The following NAALADL2 variants were observed in gnomAD, a reference collection of about 807,000 sequenced individuals.
The protein encoded by NAALADL2 is inactive N-acetylated-alpha-linked acidic dipeptidase-like protein 2.
NAALADL2 carries 76 observed loss-of-function variants against 87.2 expected under a neutral mutation model. The observed-to-expected ratio is 0.87, with a 90% confidence interval of 0.72 to 1.05. NAALADL2 has a LOEUF of 1.05. NAALADL2 is among the 50% of genes least tolerant of loss of function. The probability of loss-of-function intolerance (pLI) is 0.00; values close to 1 mark genes in which losing one functional copy is unlikely to be tolerated. For synonymous variants in NAALADL2, 354 were observed against 331.0 expected (o/e 1.07, Z -0.75); for missense variants, 1,089 against 945.8 (o/e 1.15, Z -1.99).
At chr3:175,153,896 C>T (rs986493984) in intron 2 of NAALADL2, among the ~76,000 whole-genome samples, 4 of 152,092 alleles carry the variant, frequency 2.6e-5, no homozygotes, top group African/African-American at 4.8e-5. Context: ...TTTCAGAGGT[C>T]GTTCACTGAA....
intron 2 of NAALADL2, among the ~76,000 whole-genome samples, chr3:174,599,205 T>C (rs1272368869): frequency 6.6e-6 from 1 of 152,152 alleles, no homozygotes; most frequent in East Asian, 1.9e-4. Context: ...TGTGGATTGC[T>C]CGACTGAGTG....
At chr3:175,618,817 A>G (rs997781710) in intron 10 of NAALADL2, among the ~76,000 whole-genome samples, 1 of 152,064 alleles carries the variant, frequency 6.6e-6, no homozygotes, top group Non-Finnish European at 1.5e-5. Context: ...AGTCACACTT[A>G]CCTACACCGT....
intron 10 of NAALADL2, among the ~76,000 whole-genome samples, chr3:175,621,871 C>G (rs1352896404): frequency 6.6e-6 from 1 of 152,110 alleles, no homozygotes; most frequent in Non-Finnish European, 1.5e-5. Flanking sequence ...CAAAGGATAA[C>G]TGTACCTAAG....
At position 175,241,855 on chromosome 3, in the gene NAALADL2, A is replaced by ATTTTTTTTTTTTTTTTTTT. The variant is rs779567135; in HGVS notation, c.819+7655_819+7673dup. ...TAGTGAGAAAGTATCTGGATGCTGA[A>ATTTTTTTTTTTTTTTTTTT]TTTTTTTTTTTTTTTTTTTTTTCTT... On this transcript the variant is annotated intron_variant, in intron 3 of 13. Coordinates refer to ENST00000454872, the MANE Select transcript of NAALADL2 (RefSeq NM_207015.3). 6.0e-5 allele frequency among the ~76,000 whole-genome samples: 5 copies of ATTTTTTTTTTTTTTTTTTT among 83,812 alleles called. 1 individual carries two copies. Among genetic ancestry groups the ATTTTTTTTTTTTTTTTTTT allele is most frequent in the African/African-American group, 1.9e-4 (4 of 21,540 alleles). The allele number at this position is 83,812 out of a possible 152,430, so 55.0% of individuals were successfully genotyped here.
At chr3:175,619,164 A>G (rs538575494) in intron 10 of NAALADL2, among the ~76,000 whole-genome samples, 27 of 152,168 alleles carry the variant, frequency 1.8e-4, no homozygotes, top group South Asian at 6.2e-4. Flanking sequence ...TATCACAAGC[A>G]GTATGCTAAA....
chr3:175,489,379 T>C (rs1727740453), intron 9 of NAALADL2, among the ~76,000 whole-genome samples: 1 of 152,194 alleles, frequency 6.6e-6, no homozygotes, highest in Non-Finnish European at 1.5e-5. Context: ...TAGCCATGTA[T>C]AGAATGAAGC....
chr3:174,905,096 A>C (rs1732812948), intron 1 of NAALADL2, among the ~76,000 whole-genome samples: 1 of 151,900 alleles, frequency 6.6e-6, no homozygotes, highest in Admixed American at 6.6e-5. Context: ...TATATTTAAA[A>C]ATATAAATCG....
intron 1 of NAALADL2, among the ~76,000 whole-genome samples, chr3:174,890,417 ATAG>A (rs959010815): frequency 6.6e-6 from 1 of 152,200 alleles, no homozygotes; most frequent in African/African-American, 2.4e-5. Context: ...CATGTAAATA[ATAG>A]TAGCATAAAA....
At chr3:175,018,135 C>T (rs577584572) in intron 1 of NAALADL2, among the ~76,000 whole-genome samples, 1 of 152,054 alleles carries the variant, frequency 6.6e-6, no homozygotes, top group South Asian at 2.1e-4. Context: ...CTTTTAGTAG[C>T]AATATTTCCA....
chr3:175,449,515 T>C (rs1322134205), intron 6 of NAALADL2, among the ~76,000 whole-genome samples: 6 of 149,382 alleles, frequency 4.0e-5, no homozygotes, highest in Admixed American at 2.0e-4. Context: ...CGCCTCAGCC[T>C]CCCAAGTAGC....
chr3:174,617,988 C>A (rs1354783331), intron 2 of NAALADL2, among the ~76,000 whole-genome samples: 1 of 151,650 alleles, frequency 6.6e-6, no homozygotes, highest in Non-Finnish European at 1.5e-5. Context: ...AAGAAGAGGA[C>A]AGCATCTTAA....
intron 2 of NAALADL2, among the ~76,000 whole-genome samples, chr3:174,584,734 G>A (rs1317196634): frequency 6.6e-6 from 1 of 151,968 alleles, no homozygotes; most frequent in East Asian, 1.9e-4. Flanking sequence ...AGTTTTGCTG[G>A]TCCTTTGTGA....
chr3:175,293,615 G>A (rs78554542), intron 4 of NAALADL2, among the ~76,000 whole-genome samples: 19,642 of 152,052 alleles, frequency 0.13, 1,534 homozygotes, highest in African/African-American at 0.21. Flanking sequence ...GAGTCAGTTA[G>A]AGGGTTAAGT....
Position 174,486,574 on chromosome 3 carries a change from G to A in NAALADL2, c.-184+45542G>A, listed in dbSNP as rs534578895. On this transcript the variant is annotated intron_variant, in intron 1 of 3. Coordinates refer to the NAALADL2 transcript ENST00000434257. ...TCCATATGTACCTGTCTTTCTCTCC[G>A]CTTTTGGGGGCAGAATTTTGCCATG... Among the ~76,000 whole-genome samples, 24 of 151,986 alleles carry A rather than the reference G, an allele frequency of 1.6e-4. No homozygotes were observed. The East Asian group carries it at 2.9e-3, about 18-fold the overall frequency.
chr3:174,573,061 A>T (rs1475443950), intron 2 of NAALADL2, among the ~76,000 whole-genome samples: 1 of 152,100 alleles, frequency 6.6e-6, no homozygotes, highest in East Asian at 1.9e-4. Flanking sequence ...ACAGCTCATC[A>T]CAGATTACCA....
intron 1 of NAALADL2, among the ~76,000 whole-genome samples, chr3:175,025,292 G>T (rs1468072012): frequency 6.6e-6 from 1 of 152,084 alleles, no homozygotes; most frequent in African/African-American, 2.4e-5. Flanking sequence ...TCAGGGATGG[G>T]TAAAACTGGT....
chr3:175,694,242 C>T (rs1737438991), intron 11 of NAALADL2, among the ~76,000 whole-genome samples: 1 of 152,086 alleles, frequency 6.6e-6, no homozygotes, highest in Admixed American at 6.6e-5. Context: ...TTACCAAAAA[C>T]TTACACAGCA....
intron 1 of NAALADL2, among the ~76,000 whole-genome samples, chr3:175,063,040 T>C (rs1197554129): frequency 6.6e-6 from 1 of 152,184 alleles, no homozygotes; most frequent in Non-Finnish European, 1.5e-5. Flanking sequence ...TTTTTCTACA[T>C]ATATTTTTAT....
chr3:175,113,072 T>C (rs1359045122), intron 2 of NAALADL2, among the ~76,000 whole-genome samples: 1 of 151,566 alleles, frequency 6.6e-6, no homozygotes, highest in African/African-American at 2.4e-5. Context: ...CAGAAGTAGA[T>C]TAGGATAATT....
Sources: allele counts gnomAD v4.1 joint callset (sites outside exome capture counted in the v4.1 genomes callset), GRCh38; gene constraint gnomAD v4.1.1; transcripts MANE v1.5; gene names NCBI Gene and HGNC (gene_info 2026-07-23, HGNC 2026-07-21).